KDM5B: variants seen among roughly 807,000 people sequenced by gnomAD.
KDM5B encodes lysine-specific demethylase 5B.
In KDM5B, 144 loss-of-function variants were observed where a neutral mutation model predicts 193.4. The ratio of observed to expected loss-of-function variants is 0.74; its 90% CI spans 0.65 to 0.86. KDM5B has a LOEUF of 0.86. KDM5B is among the 40% of genes least tolerant of loss of function. The pLI, the probability that KDM5B is intolerant of heterozygous loss-of-function variation, is 0.00. For missense variants in KDM5B, 1,833 were observed against 1,886.9 expected (o/e 0.97, Z 0.53); for synonymous variants, 668 against 682.6 (o/e 0.98, Z 0.33).
chr1:202,780,391 T>C (rs1657151034), intron 1 of KDM5B, among the ~76,000 whole-genome samples: 1 of 152,146 alleles, frequency 6.6e-6, no homozygotes, highest in African/African-American at 2.4e-5. Context: ...GGTTTCACCA[T>C]GTTGGCCAGG....
intron 4 of KDM5B, among the ~76,000 whole-genome samples, chr1:202,769,823 T>C (rs1656639368): frequency 6.6e-6 from 1 of 152,198 alleles, no homozygotes; most frequent in Admixed American, 6.5e-5. Context: ...GTATGTTTAA[T>C]GAAAGCATGC....
Position 202,777,100 on chromosome 1 carries a change from A to AC in KDM5B, c.205-7_205-6insG. 1 of 1,607,230 alleles carries AC rather than the reference A, an allele frequency of 6.2e-7. No individual in the cohort carries two copies. The highest frequency in any genetic ancestry group is 8.5e-7 in the Non-Finnish European group (1 of 1,173,930). ...GCAAATGGTGGCTGCCAATCCTAGGAGAAAGCAAAGGCTCTTATTAGAATA... is the reference window on the plus strand; with the variant it reads ...GCAAATGGTGGCTGCCAATCCTAGGACGAAAGCAAAGGCTCTTATTAGAATA... On this transcript the variant is annotated splice_region_variant and splice_polypyrimidine_tract_variant and intron_variant, in intron 1 of 26. Transcript: ENST00000367265.
intron 24 of KDM5B, 100 bp downstream of exon 24, chr1:202,731,728 T>C: frequency 1.1e-6 from 1 of 902,432 alleles, no homozygotes; most frequent in African/African-American, 1.7e-5. Context: ...CATTTCAGCA[T>C]AAAGTCCTTT....
At chr1:202,762,258 T>C (rs1053438814) in intron 7 of KDM5B, among the ~76,000 whole-genome samples, 11 of 152,148 alleles carry the variant, frequency 7.2e-5, no homozygotes, top group Non-Finnish European at 2.9e-5. Context: ...TCCTCTTCCT[T>C]CTTCCTTTCT....
At chr1:202,767,230 T>TA in intron 4 of KDM5B, 170 bp from the exon 5 acceptor site, 2 of 1,580,054 alleles carry the variant, frequency 1.3e-6, no homozygotes, top group East Asian at 4.5e-5. Flanking sequence ...GAAACACCCT[T>TA]ATGTTTTAAG....
intron 12 of KDM5B, among the ~76,000 whole-genome samples, chr1:202,751,759 AG>A (rs1655800967): frequency 4.6e-5 from 7 of 152,228 alleles, no homozygotes; most frequent in African/African-American, 1.7e-4. Context: ...ATGCACAAGG[AG>A]TTCATTCATC....
At chr1:202,745,528 G>GT (rs1039544685) in intron 16 of KDM5B, among the ~76,000 whole-genome samples, 56 of 151,716 alleles carry the variant, frequency 3.7e-4, no homozygotes, top group Non-Finnish European at 6.9e-4. Flanking sequence ...TTTTGTTTTT[G>GT]TTTTTTTAAA....
chr1:202,765,009 G>A (rs929417978), intron 5 of KDM5B, among the ~76,000 whole-genome samples: 4 of 152,110 alleles, frequency 2.6e-5, no homozygotes, highest in Admixed American at 6.6e-5. Flanking sequence ...ATTCAAATTC[G>A]GAAGAACAAT....
intron 9 of KDM5B, among the ~76,000 whole-genome samples, chr1:202,757,320 T>C (rs768192401): frequency 6.6e-6 from 1 of 152,150 alleles, no homozygotes; most frequent in African/African-American, 2.4e-5. Flanking sequence ...GAAAGGGTGG[T>C]TGGGGACTTC....
intron 1 of KDM5B, chr1:202,796,335 C>A: frequency 2.8e-6 from 1 of 363,450 alleles, no homozygotes. Context: ...TCACTGGCAC[C>A]TTGGATGCCT....
chr1:202,800,772 C>T (rs1167454178), intron 1 of KDM5B, among the ~76,000 whole-genome samples: 2 of 152,154 alleles, frequency 1.3e-5, no homozygotes, highest in Non-Finnish European at 2.9e-5. Flanking sequence ...CAAAAATGAA[C>T]AGATAAAGAA....
intron 16 of KDM5B, among the ~76,000 whole-genome samples, chr1:202,744,063 A>C (rs1655455500): frequency 6.6e-6 from 1 of 152,250 alleles, no homozygotes; most frequent in African/African-American, 2.4e-5. Context: ...ACAGAATGGG[A>C]GAAAATACTT....
intron 1 of KDM5B, among the ~76,000 whole-genome samples, chr1:202,784,121 C>A (rs2102317165): frequency 6.6e-6 from 1 of 152,052 alleles, no homozygotes; most frequent in South Asian, 2.1e-4. Context: ...AAGATTTTTC[C>A]AAAAAATGCC....
chr1:202,763,859 T>G (rs1351400174), intron 6 of KDM5B, among the ~76,000 whole-genome samples, 190 bp downstream of exon 6: 3 of 152,238 alleles, frequency 2.0e-5, no homozygotes, highest in Non-Finnish European at 4.4e-5. Flanking sequence ...GTCAGTTAAT[T>G]ATGAGAACAA....
intron 1 of KDM5B, among the ~76,000 whole-genome samples, chr1:202,798,450 G>A (rs1245622305): frequency 1.3e-5 from 2 of 151,958 alleles, no homozygotes; most frequent in Non-Finnish European, 2.9e-5. Flanking sequence ...TGGTTTTGAT[G>A]ATGGGTTTTT....
chr1:202,808,383 T>A lies in KDM5B; in HGVS notation c.-78A>T. ...CGAGCTCCGCTCGGTCCGAGACCCG[T>A]GCAGACGCGGCTCGAGCAACAGCAA... On this transcript the variant is annotated 5_prime_UTR_variant, in exon 1 of 27. Transcript: ENST00000367265. The A allele has an allele frequency of 7.5e-7, 1 of 1,336,096 alleles. No individual in the cohort carries two copies. The highest frequency in any genetic ancestry group is 1.0e-6 in the Non-Finnish European group (1 of 1,001,896). The allele number at this position is 1,336,096 out of a possible 1,614,324, so 82.8% of individuals were successfully genotyped here.
intron 22 of KDM5B, among the ~76,000 whole-genome samples, chr1:202,734,420 A>C (rs183638332): frequency 6.6e-6 from 1 of 152,250 alleles, no homozygotes; most frequent in East Asian, 1.9e-4. Context: ...GTTATATGAT[A>C]ACAAGGTAAC....
chr1:202,740,107 AC>A lies in KDM5B; in HGVS notation c.3084+566del, dbSNP rs763053083. 3.0e-4 allele frequency among the ~76,000 whole-genome samples: 37 copies of A among 123,974 alleles called. No individual in the cohort carries two copies. The East Asian group carries it at 6.0e-3, about 20-fold the overall frequency. The allele number at this position is 123,974 out of a possible 152,430, so 81.3% of individuals were successfully genotyped here. ...GGGCGGCTGGCCGGGCATGGGGCTG[AC>A]CCCCCCCACCTCCCTCCCGGACGGG... On this transcript the variant is annotated intron_variant, in intron 20 of 26. Transcript: ENST00000367265.
intron 1 of KDM5B, among the ~76,000 whole-genome samples, chr1:202,794,890 C>T (rs904652724): frequency 7.2e-5 from 11 of 152,072 alleles, no homozygotes; most frequent in African/African-American, 2.7e-4. Flanking sequence ...TAGAGATTAA[C>T]AATAACAATT....
Sources: gnomAD v4.1 joint callset for allele counts (sites outside exome capture counted in the v4.1 genomes callset) on GRCh38, gnomAD v4.1.1 for gene constraint, MANE v1.5 for transcripts, NCBI Gene and HGNC (gene_info 2026-07-23, HGNC 2026-07-21) for gene names.